Variants in TOR1AIP2 observed in about 807,000 individuals in gnomAD.
The protein encoded by TOR1AIP2 is torsin-1A-interacting protein 2.
Under a neutral mutation model 32.6 loss-of-function variants are expected in TOR1AIP2, and 20 were observed. The observed-to-expected ratio is 0.61, with a 90% CI of 0.43 to 0.89. The LOEUF (loss-of-function observed/expected upper bound fraction) is 0.89, where lower values mean the gene tolerates loss of function less well. TOR1AIP2 is among the 40% of genes least tolerant of loss of function. TOR1AIP2 has a pLI of 0.00. For missense variants in TOR1AIP2, 456 were observed against 553.8 expected (o/e 0.82, Z 1.77); for synonymous variants, 214 against 210.8 (o/e 1.02, Z -0.13).
In TOR1AIP2 at chr1:179,844,432, T is replaced by C. The variant is rs1217853030; in HGVS notation, c.*1639A>G. The C allele has an allele frequency of 1.3e-5, 2 of 152,220 alleles. No individual in the cohort carries two copies. Among genetic ancestry groups the C allele is most frequent in the African/African-American group, 4.8e-5 (2 of 41,458 alleles). The allele number at this position is 152,220 out of a possible 1,614,324, so 9.4% of individuals were successfully genotyped here. ...ATACTTTAATCAGACTTCTTAGCTA[T>C]ATACATATGATCTCATATAATGGAG... On this transcript the variant is annotated 3_prime_UTR_variant, in exon 7 of 7. Transcript: ENST00000609928.
At chr1:179,852,054 G>A (rs1696134687) in intron 4 of TOR1AIP2, among the ~76,000 whole-genome samples, 1 of 152,206 alleles carries the variant, frequency 6.6e-6, no homozygotes, top group Non-Finnish European at 1.5e-5. Flanking sequence ...GCCAAGGCAG[G>A]TGAATCACCT....
chr1:179,868,711 A>G (rs1696892756), intron 2 of TOR1AIP2: 1 of 152,232 alleles, frequency 6.6e-6, no homozygotes, highest in African/African-American at 2.4e-5. Context: ...CTAAACACAG[A>G]TGAAACTCAA....
Position 179,846,401 on chromosome 1 carries a change from A to G in TOR1AIP2, c.1083T>C (p.Ala361=). Residue 361 remains alanine, a synonymous_variant, in exon 7 of 7, where the codon GCT becomes GCC. Transcript: ENST00000609928. ...AGGATTCGAAGTGGTGTACCACAGC[A>G]GCCTTCTGGCCATTCTCAAACCCAT... ...LSYGFENGQK[A]AVVHHFESFP... 6.2e-7 allele frequency: 1 copy of G among 1,614,214 alleles called. No homozygotes were observed. Among genetic ancestry groups the G allele is most frequent in the Non-Finnish European group, 8.5e-7 (1 of 1,180,030 alleles).
chr1:179,871,849 T>G (rs1697022835), intron 2 of TOR1AIP2, among the ~76,000 whole-genome samples: 2 of 152,220 alleles, frequency 1.3e-5, no homozygotes, highest in African/African-American at 4.8e-5. Context: ...CCTTAGATAA[T>G]GAGAGATTAA....
At chr1:179,863,643 A>G (rs1696643350) in intron 3 of TOR1AIP2, 1 of 981,488 alleles carries the variant, frequency 1.0e-6, no homozygotes, top group African/African-American at 1.8e-5. Context: ...AGCCTGGGTC[A>G]TACAGCAAGA....
In TOR1AIP2 at chr1:179,843,352, A is replaced by G. The variant is rs1192453753; in HGVS notation, c.*2719T>C. ...AAAACCTCGTCTCTATTAAAAATAC[A>G]ATAATTAGCTGGGCATTGTGGTGCA... On this transcript the variant is annotated 3_prime_UTR_variant, in exon 7 of 7. Coordinates refer to ENST00000609928, the MANE Select transcript of TOR1AIP2 (RefSeq NM_001199260.2). 6.6e-6 allele frequency: 1 copy of G among 151,694 alleles called. No individual in the cohort carries two copies. The highest frequency in any genetic ancestry group is 2.4e-5 in the African/African-American group (1 of 41,268). The allele number at this position is 151,694 out of a possible 1,614,324, so 9.4% of individuals were successfully genotyped here.
intron 3 of TOR1AIP2, chr1:179,861,492 T>A: frequency 1.0e-6 from 1 of 984,596 alleles, no homozygotes; most frequent in Non-Finnish European, 1.2e-6. Flanking sequence ...AAAGTAACCC[T>A]CTTAATATTA....
At chr1:179,870,178 C>T (rs890137640) in intron 2 of TOR1AIP2, among the ~76,000 whole-genome samples, 1 of 152,106 alleles carries the variant, frequency 6.6e-6, no homozygotes, top group Non-Finnish European at 1.5e-5. Context: ...GGGTGGATCA[C>T]GAGGTCAGGA....
intron 2 of TOR1AIP2, among the ~76,000 whole-genome samples, chr1:179,866,433 AC>A (rs1449610574): frequency 6.6e-6 from 1 of 151,862 alleles, no homozygotes; most frequent in Non-Finnish European, 1.5e-5. Flanking sequence ...TCTTTTTGAG[AC>A]AGAGTTTCAT....
At position 179,844,371 on chromosome 1, in the gene TOR1AIP2, T is replaced by A. The variant is rs1358430984; in HGVS notation, c.*1700A>T. On this transcript the variant is annotated 3_prime_UTR_variant, in exon 7 of 7. Coordinates refer to ENST00000609928, the MANE Select transcript of TOR1AIP2 (RefSeq NM_001199260.2). ...TAATCTTTTTAGGTATCAGTAAAGA[T>A]CCCTGTATCTTCTTAGTGTTTCCTA... 2 of 152,210 alleles carry A rather than the reference T, an allele frequency of 1.3e-5. No homozygotes were observed. Among genetic ancestry groups the A allele is most frequent in the Non-Finnish European group, 2.9e-5 (2 of 68,048 alleles). The allele number at this position is 152,210 out of a possible 1,614,324, so 9.4% of individuals were successfully genotyped here.
chr1:179,862,270 T>C (rs1374013854), intron 3 of TOR1AIP2: 1 of 977,874 alleles, frequency 1.0e-6, no homozygotes, highest in Non-Finnish European at 1.2e-6. Context: ...TATATGTCCT[T>C]GTAACATAAG....
chr1:179,877,323 T>A lies in TOR1AIP2; in HGVS notation c.-650A>T, dbSNP rs141378981. On this transcript the variant is annotated 5_prime_UTR_variant, in exon 2 of 7. In the 5' UTR this introduces an upstream ATG that the reference lacks. Transcript: ENST00000609928. ...TGGGAGGCTGAGGTGGGAGAATCGC[T>A]TGAAGCCAGGAGTTCGAGACCAACC... The A allele has an allele frequency of 5.2e-3, 800 of 152,738 alleles. 8 individuals carry two copies. The highest frequency in any genetic ancestry group is 0.021 in the South Asian group (99 of 4,824). 9.5% of individuals were successfully genotyped at this position (152,738 alleles called of 1,614,324 possible).
rs556410865 is a variant in TOR1AIP2 at position 179,842,629 on chromosome 1, C to T, written c.*3442G>A. The T allele has an allele frequency of 2.0e-5, 3 of 152,080 alleles. No individual in the cohort carries two copies. Among genetic ancestry groups the T allele is most frequent in the East Asian group, 1.9e-4 (1 of 5,204 alleles). 9.4% of individuals were successfully genotyped at this position (152,080 alleles called of 1,614,324 possible). On this transcript the variant is annotated 3_prime_UTR_variant, in exon 7 of 7. Coordinates refer to ENST00000609928, the MANE Select transcript of TOR1AIP2 (RefSeq NM_001199260.2). ...TTCTGTAAGAGTAACTAAATGGCAA[C>T]GTTTAGGTACCACATACAATATTGT... is the stretch of plus-strand genomic sequence containing the variant.
Position 179,840,803 on chromosome 1 carries a change from T to A in TOR1AIP2, c.*5268A>T, listed in dbSNP as rs1695695710. 1 of 151,618 alleles carries A rather than the reference T, an allele frequency of 6.6e-6. No homozygotes were observed. Among genetic ancestry groups the A allele is most frequent in the South Asian group, 2.1e-4 (1 of 4,790 alleles). The allele number at this position is 151,618 out of a possible 1,614,324, so 9.4% of individuals were successfully genotyped here. A position where few individuals can be genotyped will look rare whatever the true frequency, so the allele number is the denominator to read the frequency against. Reference sequence around the variant, plus strand: ...AGAAATACCTAATGTAGATGACGGGTTGATGGGTGCAGCAAACCACCATGG... The same window carrying A: ...AGAAATACCTAATGTAGATGACGGGATGATGGGTGCAGCAAACCACCATGG... On this transcript the variant is annotated 3_prime_UTR_variant, in exon 7 of 7. Transcript: ENST00000609928.
chr1:179,865,204 C>T, intron 3 of TOR1AIP2: 1 of 1,564,556 alleles, frequency 6.4e-7, no homozygotes, highest in Non-Finnish European at 8.6e-7. Flanking sequence ...ACACAGACAG[C>T]AATGTGACAG....
At chr1:179,872,237 T>C (rs1697038225) in intron 2 of TOR1AIP2, among the ~76,000 whole-genome samples, 1 of 152,168 alleles carries the variant, frequency 6.6e-6, no homozygotes, top group African/African-American at 2.4e-5. Flanking sequence ...TACTGGTACA[T>C]TTCTATCTAT....
Position 179,845,853 on chromosome 1 carries a change from G to A in TOR1AIP2, c.*218C>T. 1 of 499,512 alleles carries A rather than the reference G, an allele frequency of 2.0e-6. No individual in the cohort carries two copies. The highest frequency in any genetic ancestry group is 3.4e-6 in the Non-Finnish European group (1 of 292,912). 30.9% of individuals were successfully genotyped at this position (499,512 alleles called of 1,614,324 possible). ...TATTTCAAACCTGATTTGGTCCAAA[G>A]AAAAAAAGTCAGGTTAATTTTTAGC... On this transcript the variant is annotated 3_prime_UTR_variant, in exon 7 of 7. Coordinates refer to ENST00000609928, the MANE Select transcript of TOR1AIP2 (RefSeq NM_001199260.2).
At chr1:179,857,740 G>A (rs1264476581) in intron 3 of TOR1AIP2, among the ~76,000 whole-genome samples, 4 of 152,134 alleles carry the variant, frequency 2.6e-5, no homozygotes, top group Non-Finnish European at 1.5e-5. Flanking sequence ...TTTGGGCCAG[G>A]TATGATGGCT....
At chr1:179,863,180 T>G (rs899818877) in intron 3 of TOR1AIP2, 1 of 855,996 alleles carries the variant, frequency 1.2e-6, no homozygotes, top group African/African-American at 2.1e-5. Context: ...GAACCAAGAC[T>G]GCCACTGCAC....
Sources: gnomAD v4.1 joint callset for allele counts (sites outside exome capture counted in the v4.1 genomes callset) on GRCh38, gnomAD v4.1.1 for gene constraint, MANE v1.5 for transcripts, NCBI Gene and HGNC (gene_info 2026-07-23, HGNC 2026-07-21) for gene names.